Variants in SH3KBP1 observed in about 807,000 individuals in gnomAD.
The protein encoded by SH3KBP1 is SH3 domain containing kinase binding protein 1.
Under a neutral mutation model 50.1 loss-of-function variants are expected in SH3KBP1, and 8 were observed. That is an observed-to-expected ratio of 0.16 (90% CI 0.09 to 0.29). The LOEUF is 0.29. SH3KBP1 is among the 10% of genes least tolerant of loss of function. The probability of loss-of-function intolerance (pLI) is 1.00; values close to 1 mark genes in which losing one functional copy is unlikely to be tolerated. For missense variants in SH3KBP1, 377 were observed against 535.2 expected (o/e 0.70, Z 2.92); for synonymous variants, 227 against 218.6 (o/e 1.04, Z -0.34).
At chrX:19,575,938 T>C (rs1344499095) in intron 12 of SH3KBP1, among the ~76,000 whole-genome samples, 2 of 111,623 alleles carry the variant, frequency 1.8e-5, no homozygotes, top group Non-Finnish European at 3.8e-5. Flanking sequence ...GCAAAAGGGA[T>C]GTTATTAAAT....
At chrX:19,858,527 C>T (rs2068709051) in intron 1 of SH3KBP1, among the ~76,000 whole-genome samples, 1 of 111,819 alleles carries the variant, frequency 8.9e-6, no homozygotes, top group African/African-American at 3.3e-5. Context: ...ACTCCAAAGG[C>T]TGAGGCAGGA....
At chrX:19,827,394 T>C (rs1187454245) in intron 2 of SH3KBP1, among the ~76,000 whole-genome samples, 4 of 112,126 alleles carry the variant, frequency 3.6e-5, no homozygotes, top group African/African-American at 1.3e-4. Flanking sequence ...CACATGTCTA[T>C]CTGTGAGCTA....
intron 9 of SH3KBP1, among the ~76,000 whole-genome samples, chrX:19,602,978 G>A (rs1398200844): frequency 8.9e-6 from 1 of 111,877 alleles, no homozygotes; most frequent in Non-Finnish European, 1.9e-5. Context: ...AAAAAAAATC[G>A]TAAGAGGGTG....
intron 1 of SH3KBP1, among the ~76,000 whole-genome samples, chrX:19,841,020 T>C (rs1385631255): frequency 1.8e-5 from 2 of 111,684 alleles, no homozygotes; most frequent in African/African-American, 6.5e-5. Flanking sequence ...TGCAAAACAC[T>C]TCACCCTCCC....
chrX:19,840,892 C>G (rs2068198967), intron 1 of SH3KBP1, among the ~76,000 whole-genome samples: 1 of 112,226 alleles, frequency 8.9e-6, no homozygotes, highest in Admixed American at 9.5e-5. Context: ...GTGTGCTGTG[C>G]CAAAAGGCCA....
intron 8 of SH3KBP1, among the ~76,000 whole-genome samples, chrX:19,618,682 G>A (rs1569346878): frequency 9.0e-6 from 1 of 111,564 alleles, no homozygotes; most frequent in African/African-American, 3.3e-5. Flanking sequence ...TCCACTTCAA[G>A]GGTCAGTAAT....
chrX:19,590,762 C>T (rs2066719822), intron 11 of SH3KBP1, among the ~76,000 whole-genome samples: 1 of 105,807 alleles, frequency 9.5e-6, no homozygotes, highest in Non-Finnish European at 1.9e-5. Context: ...TCCACCTCAG[C>T]CTCCCAAAGT....
chrX:19,618,385 C>CAAAAAAAAAAAAAA (rs1169013925), intron 8 of SH3KBP1, among the ~76,000 whole-genome samples: 1 of 18,217 alleles, frequency 5.5e-5, no homozygotes, highest in Non-Finnish European at 1.2e-4. Context: ...GACTCTGTCT[C>CAAAAAAAAAAAAAA]AAAAAAAAAA....
chrX:19,536,930 G>A (rs767571599), intron 17 of SH3KBP1, among the ~76,000 whole-genome samples: 43 of 111,938 alleles, frequency 3.8e-4, no homozygotes, highest in Admixed American at 8.5e-4. Context: ...GTCTACCTTC[G>A]GTCAATCAGA....
intron 16 of SH3KBP1, 110 bp downstream of exon 16, chrX:19,541,815 A>G: frequency 1.1e-6 from 1 of 905,081 alleles, no homozygotes; most frequent in East Asian, 3.1e-5. Flanking sequence ...ATCAACGGGG[A>G]GACCAGGCCC....
intron 1 of SH3KBP1, among the ~76,000 whole-genome samples, chrX:19,878,472 TTGTGTGTG>T (rs56786885): frequency 2.7e-5 from 2 of 73,035 alleles, no homozygotes; most frequent in Non-Finnish European, 4.8e-5. Flanking sequence ...CCTGGCTAAT[TTGTGTGTG>T]TGTGTGTGTG....
At chrX:19,693,795 A>G (rs1212589488) in intron 5 of SH3KBP1, among the ~76,000 whole-genome samples, 2 of 111,945 alleles carry the variant, frequency 1.8e-5, no homozygotes, top group Non-Finnish European at 3.8e-5. Context: ...ATTTGTTTCA[A>G]TAGTTCTAAA....
rs2064706014 is a variant in SH3KBP1, at chrX:19,536,334, T to C, written c.*83A>G. 2 of 631,624 alleles carry C rather than the reference T, an allele frequency of 3.2e-6. No individual in the cohort carries two copies. 52.1% of individuals were successfully genotyped at this position (631,624 alleles called of 1,213,427 possible). A position where few individuals can be genotyped will look rare whatever the true frequency, so the allele number is the denominator to read the frequency against. ...ATTTTGAGGCAAACCTTTAATCTTTTGGCACAAGATTATTTTGGCTGGGGC... is the reference window on the plus strand; with the variant it reads ...ATTTTGAGGCAAACCTTTAATCTTTCGGCACAAGATTATTTTGGCTGGGGC... On this transcript the variant is annotated 3_prime_UTR_variant, in exon 18 of 18. Coordinates refer to ENST00000397821, the MANE Select transcript of SH3KBP1 (RefSeq NM_031892.3).
At chrX:19,848,732 T>C (rs2068425617) in intron 1 of SH3KBP1, among the ~76,000 whole-genome samples, 2 of 111,446 alleles carry the variant, frequency 1.8e-5, no homozygotes, top group Non-Finnish European at 3.8e-5. Context: ...TCTAATGCAA[T>C]CAAGAACCTG....
At chrX:19,805,720 C>G (rs190762724) in intron 2 of SH3KBP1, among the ~76,000 whole-genome samples, 1 of 110,445 alleles carries the variant, frequency 9.1e-6, no homozygotes, top group East Asian at 2.9e-4. Flanking sequence ...AACACAGACT[C>G]TGGAGTTAAG....
In SH3KBP1 at chrX:19,864,088, A is replaced by T. The variant is rs761859955; in HGVS notation, c.4+23219T>A. On this transcript the variant is annotated intron_variant, in intron 1 of 17. Transcript: ENST00000397821. ...CCAGGCTCTAGCAGCCCCTGGTAAG[A>T]GTCTCAGCTGGGATCATCAAAACTC... Among the ~76,000 whole-genome samples, 21 of 110,984 alleles carry T rather than the reference A, an allele frequency of 1.9e-4. 1 individual carries two copies. In the South Asian group the frequency reaches 8.0e-3, roughly 42 times the overall value.
At chrX:19,594,887 AT>A in intron 10 of SH3KBP1, 61 bp downstream of exon 10, 3 of 860,418 alleles carry the variant, frequency 3.5e-6, no homozygotes, top group Non-Finnish European at 5.2e-6. Flanking sequence ...ACTGAGGATG[AT>A]TTGAATATAT....
intron 2 of SH3KBP1, among the ~76,000 whole-genome samples, chrX:19,760,342 G>A (rs5955843): frequency 0.031 from 3,358 of 109,249 alleles, 123 homozygotes; most frequent in African/African-American, 0.099. Context: ...AGCTGAGATC[G>A]CACCACTGCA....
intron 5 of SH3KBP1, among the ~76,000 whole-genome samples, chrX:19,690,174 C>A (rs1456412207): frequency 1.0e-4 from 11 of 109,598 alleles, no homozygotes; most frequent in African/African-American, 3.7e-4. Flanking sequence ...ATCCTCCTTC[C>A]TCAGCCTCCT....
Sources: gnomAD v4.1 joint callset for allele counts (sites outside exome capture counted in the v4.1 genomes callset) on GRCh38, gnomAD v4.1.1 for gene constraint, MANE v1.5 for transcripts, NCBI Gene and HGNC (gene_info 2026-07-23, HGNC 2026-07-21) for gene names.